MARCHF4: variants seen among roughly 807,000 people sequenced by gnomAD.
MARCHF4 encodes the protein membrane associated ring-CH-type finger 4, also known as E3 ubiquitin-protein ligase MARCHF4.
A neutral mutation model predicts 43.9 loss-of-function variants in MARCHF4; 14 were observed. The observed-to-expected ratio is 0.32, with a 90% CI of 0.21 to 0.50. The LOEUF (loss-of-function observed/expected upper bound fraction) is 0.50. Ranked by LOEUF, MARCHF4 falls within the 20% of genes least tolerant of loss-of-function variation. The pLI is 0.98. For synonymous variants in MARCHF4, 226 were observed against 213.3 expected, an observed-to-expected ratio of 1.06 and a Z score of -0.52; for missense variants, 468 against 536.7, an observed-to-expected ratio of 0.87 and a Z score of 1.27.
chr2:216,275,369 C>G (rs1016547994), intron 3 of MARCHF4, among the ~76,000 whole-genome samples: 5 of 152,198 alleles, frequency 3.3e-5, no homozygotes, highest in African/African-American at 9.6e-5. Flanking sequence ...CCATGGGGAA[C>G]AGACCTATGC....
At chr2:216,308,548 GC>G (rs1195720274) in intron 1 of MARCHF4, among the ~76,000 whole-genome samples, 1 of 152,224 alleles carries the variant, frequency 6.6e-6, no homozygotes, top group Non-Finnish European at 1.5e-5. Context: ...GCACAGAAGA[GC>G]CCTACAGTGT....
intron 1 of MARCHF4, among the ~76,000 whole-genome samples, chr2:216,290,811 C>T (rs552571816): frequency 6.6e-6 from 1 of 152,208 alleles, no homozygotes; most frequent in South Asian, 2.1e-4. Flanking sequence ...CTAATTTTTA[C>T]CTGCACAATG....
intron 1 of MARCHF4, among the ~76,000 whole-genome samples, chr2:216,288,489 G>A (rs1177047949): frequency 6.6e-6 from 1 of 152,170 alleles, no homozygotes; most frequent in African/African-American, 2.4e-5. Context: ...GTCACCAAGA[G>A]CAGTAAAGAT....
At chr2:216,268,128 C>A (rs1203337787) in intron 3 of MARCHF4, among the ~76,000 whole-genome samples, 1 of 152,194 alleles carries the variant, frequency 6.6e-6, no homozygotes, top group African/African-American at 2.4e-5. Context: ...GCTGGGGATG[C>A]CCCACGGTCA....
intron 3 of MARCHF4, among the ~76,000 whole-genome samples, chr2:216,271,514 C>A (rs1399755846): frequency 6.6e-6 from 1 of 152,114 alleles, no homozygotes; most frequent in Admixed American, 6.5e-5. Context: ...TCCTTGAGGG[C>A]AAGGAATTGT....
intron 2 of MARCHF4, 60 bp from the exon 3 acceptor site, chr2:216,277,924 C>A (rs1323554152): frequency 2.1e-6 from 3 of 1,461,444 alleles, no homozygotes; most frequent in Admixed American, 3.8e-5. Context: ...CATTCCCACC[C>A]CTCTTCTGTC....
chr2:216,273,419 T>G (rs1690970887), intron 3 of MARCHF4, among the ~76,000 whole-genome samples: 1 of 152,236 alleles, frequency 6.6e-6, no homozygotes, highest in Non-Finnish European at 1.5e-5. Context: ...ACTCATTTTC[T>G]TTTCTCCTGA....
intron 2 of MARCHF4, among the ~76,000 whole-genome samples, chr2:216,279,019 G>T (rs207809): frequency 0.36 from 55,042 of 152,086 alleles, 10,516 homozygotes; most frequent in African/African-American, 0.44. Flanking sequence ...AACAGACAAG[G>T]TGCCTGCCCC....
rs980683973 is a variant in MARCHF4, at chr2:216,287,962, A to AT, written c.517-4234dup. Among the ~76,000 whole-genome samples the AT allele has an allele frequency of 3.7e-4, 56 of 149,582 alleles. No individual in the cohort carries two copies. In the East Asian group the frequency reaches 4.5e-3, roughly 12 times the overall value. On this transcript the variant is annotated intron_variant, in intron 1 of 3. Coordinates refer to ENST00000273067, the MANE Select transcript of MARCHF4 (RefSeq NM_020814.3). ...TACCTCCTCAAGGGTAATTGTAAGG[A>AT]TTTTTTTTTTCCTTTGAGACACGAT...
At chr2:216,261,183 G>A (rs1248696431) in intron 3 of MARCHF4, among the ~76,000 whole-genome samples, 1 of 152,176 alleles carries the variant, frequency 6.6e-6, no homozygotes, top group African/African-American at 2.4e-5. Context: ...TTCTCTTACA[G>A]TTCTGGAGAT....
intron 1 of MARCHF4, among the ~76,000 whole-genome samples, chr2:216,331,796 T>C (rs1200687743): frequency 2.0e-5 from 3 of 152,200 alleles, no homozygotes; most frequent in Non-Finnish European, 4.4e-5. Flanking sequence ...AAAAAGTTAT[T>C]AGTGAACTCA....
chr2:216,269,372 C>A (rs759825298), intron 3 of MARCHF4, among the ~76,000 whole-genome samples: 3 of 149,408 alleles, frequency 2.0e-5, no homozygotes, highest in African/African-American at 4.8e-5. Context: ...CAGAGGACAG[C>A]GTCATTAGAG....
At chr2:216,357,286 T>G (rs1049783974) in intron 1 of MARCHF4, among the ~76,000 whole-genome samples, 1 of 152,168 alleles carries the variant, frequency 6.6e-6, no homozygotes, top group African/African-American at 2.4e-5. Context: ...CAATCTGAGA[T>G]AGTTCCCCAT....
At chr2:216,347,326 T>C (rs1692336963) in intron 1 of MARCHF4, among the ~76,000 whole-genome samples, 1 of 152,042 alleles carries the variant, frequency 6.6e-6, no homozygotes, top group Non-Finnish European at 1.5e-5. Context: ...AAATGATCAA[T>C]CACTCTGCAA....
chr2:216,268,916 C>T (rs1318419651), intron 3 of MARCHF4, among the ~76,000 whole-genome samples: 1 of 152,202 alleles, frequency 6.6e-6, no homozygotes, highest in African/African-American at 2.4e-5. Flanking sequence ...CTGCTGCCCC[C>T]ATCCTCTGCC....
At chr2:216,266,451 C>T (rs1385800401) in intron 3 of MARCHF4, among the ~76,000 whole-genome samples, 1 of 152,212 alleles carries the variant, frequency 6.6e-6, no homozygotes, top group African/African-American at 2.4e-5. Context: ...TTGTCCCCAA[C>T]ACAAGTACCT....
At chr2:216,341,204 T>A (rs564997543) in intron 1 of MARCHF4, among the ~76,000 whole-genome samples, 2 of 152,338 alleles carry the variant, frequency 1.3e-5, no homozygotes, top group South Asian at 4.1e-4. Flanking sequence ...GGTCCTTCCA[T>A]GTCCTGACTG....
chr2:216,356,433 C>T (rs993059673), intron 1 of MARCHF4, among the ~76,000 whole-genome samples: 1 of 152,208 alleles, frequency 6.6e-6, no homozygotes, highest in Non-Finnish European at 1.5e-5. Context: ...ATGCACGGTG[C>T]TACGTATTGT....
At chr2:216,274,179 G>A (rs1005657779) in intron 3 of MARCHF4, among the ~76,000 whole-genome samples, 1 of 152,142 alleles carries the variant, frequency 6.6e-6, no homozygotes, top group Non-Finnish European at 1.5e-5. Context: ...CATGGTTGTG[G>A]GTCTCATCTT....
Sources: allele counts gnomAD v4.1 joint callset (sites outside exome capture counted in the v4.1 genomes callset), GRCh38; gene constraint gnomAD v4.1.1; transcripts MANE v1.5; gene names NCBI Gene and HGNC (gene_info 2026-07-23, HGNC 2026-07-21).